CELA2A: variants seen among roughly 807,000 people sequenced by gnomAD.
CELA2A encodes the protein chymotrypsin-like elastase family member 2A.
CELA2A carries 31 observed loss-of-function variants against 35.3 expected under a neutral mutation model. That is an observed-to-expected ratio of 0.88 (90% CI 0.66 to 1.19). The LOEUF (loss-of-function observed/expected upper bound fraction) is 1.19, where lower values mean the gene tolerates loss of function less well. CELA2A is among the 50% of genes most tolerant of loss of function. The pLI is 0.00. For synonymous variants in CELA2A, 150 were observed against 149.8 expected, an observed-to-expected ratio of 1.00 and a Z score of -0.01; for missense variants, 330 against 352.9, an observed-to-expected ratio of 0.94 and a Z score of 0.52.
At chr1:15,471,350 C>A (rs1708591598) in intron 7 of CELA2A, among the ~76,000 whole-genome samples, 1 of 152,050 alleles carries the variant, frequency 6.6e-6, no homozygotes, top group Admixed American at 6.6e-5. Context: ...AGTTTGAGAC[C>A]AGCCTGGCCA....
intron 1 of CELA2A, 145 bp from the exon 2 acceptor site, chr1:15,456,941 T>C (rs1708368622): frequency 1.6e-5 from 21 of 1,319,578 alleles, no homozygotes; most frequent in East Asian, 4.8e-5. Context: ...TTTCAAAGAA[T>C]TGGAGCAAAG....
At chr1:15,461,063 G>C (rs1372711091) in intron 2 of CELA2A, among the ~76,000 whole-genome samples, 1 of 152,016 alleles carries the variant, frequency 6.6e-6, no homozygotes. Context: ...GAGCAAAAGT[G>C]GGGGAAAGAC....
chr1:15,471,199 T>C (rs1708589695), intron 7 of CELA2A, among the ~76,000 whole-genome samples: 1 of 152,196 alleles, frequency 6.6e-6, no homozygotes, highest in South Asian at 2.1e-4. Flanking sequence ...ATTTGTGCTG[T>C]AGCAGCTGGA....
intron 7 of CELA2A, 65 bp from the exon 8 acceptor site, chr1:15,471,925 C>G: frequency 6.2e-7 from 1 of 1,606,282 alleles, no homozygotes. Flanking sequence ...AGGACAGAGA[C>G]AGGAAACTGC....
At chr1:15,461,481 G>C (rs1450454276) in intron 2 of CELA2A, 80 bp from the exon 3 acceptor site, 3 of 1,506,790 alleles carry the variant, frequency 2.0e-6, no homozygotes, top group Non-Finnish European at 2.8e-6. Context: ...CCTTGTCCCA[G>C]CCCCGTTCTT....
At chr1:15,468,892 A>T (rs2103306193) in intron 7 of CELA2A, among the ~76,000 whole-genome samples, 1 of 152,264 alleles carries the variant, frequency 6.6e-6, no homozygotes, top group South Asian at 2.1e-4. Flanking sequence ...CCCCGTCACA[A>T]GAAAGGGATG....
intron 3 of CELA2A, among the ~76,000 whole-genome samples, chr1:15,462,396 C>A (rs575328951): frequency 9.7e-4 from 147 of 152,280 alleles, no homozygotes; most frequent in African/African-American, 3.4e-3. Flanking sequence ...TCCCCATCTG[C>A]AAATGAAAGG....
intron 7 of CELA2A, among the ~76,000 whole-genome samples, chr1:15,468,190 T>C (rs1399472445): frequency 2.6e-5 from 4 of 151,616 alleles, no homozygotes; most frequent in Non-Finnish European, 5.9e-5. Context: ...TCCAGTGCTA[T>C]AAACAGGTAT....
At position 15,462,762 on chromosome 1, in the gene CELA2A, G is replaced by T; in HGVS notation, c.257G>T (p.Gly86Val). ...TCCAGGACCTACCGCGTGGGGCTGGGCCGGCACAACCTCTACGTTGCGGAG... is the reference window on the plus strand; with the variant it reads ...TCCAGGACCTACCGCGTGGGGCTGGTCCGGCACAACCTCTACGTTGCGGAG... ...SSSRTYRVGLGRHNLYVAESG... is the reference protein window; with the variant it reads ...SSSRTYRVGLVRHNLYVAESG... Residue 86 changes from glycine to valine, a missense_variant, in exon 4 of 8, where the codon GGC (glycine) becomes GTC (valine). Coordinates refer to ENST00000359621, the MANE Select transcript of CELA2A (RefSeq NM_033440.3). 6.2e-7 allele frequency: 1 copy of T among 1,614,084 alleles called. No homozygotes were observed. Among genetic ancestry groups the T allele is most frequent in the Non-Finnish European group, 8.5e-7 (1 of 1,180,010 alleles).
At position 15,466,168 on chromosome 1, in the gene CELA2A, C is replaced by T. The variant is rs150291910; in HGVS notation, c.639+24C>T. ...ACGTGAGTACCAAAATCAGGGGCTC[C>T]GCTCCATGACAAAATGTGGCTGGGG... On this transcript the variant is annotated intron_variant, in intron 6 of 7. Transcript: ENST00000359621. 3.1e-4 allele frequency: 497 copies of T among 1,610,524 alleles called. 1 individual carries two copies. In the African/African-American group the frequency reaches 5.0e-3, roughly 16 times the overall value.
At chr1:15,463,543 C>A in intron 5 of CELA2A, 21 bp downstream of exon 5, 1 of 1,612,814 alleles carries the variant, frequency 6.2e-7, no homozygotes. Context: ...GCCAGGAGCC[C>A]CCAGGCCTGG....
intron 1 of CELA2A, 62 bp from the exon 2 acceptor site, chr1:15,457,024 A>G: frequency 6.6e-7 from 1 of 1,504,862 alleles, no homozygotes; most frequent in Non-Finnish European, 9.2e-7. Flanking sequence ...AATGCGCAGC[A>G]AGTGTAGTTT....
intron 6 of CELA2A, among the ~76,000 whole-genome samples, chr1:15,467,124 T>C (rs1168226715): frequency 2.0e-5 from 3 of 152,194 alleles, no homozygotes; most frequent in East Asian, 1.9e-4. Flanking sequence ...GGCCTGGGGA[T>C]GCTACGAATA....
chr1:15,458,011 A>G (rs1708384255), intron 2 of CELA2A, among the ~76,000 whole-genome samples: 1 of 152,238 alleles, frequency 6.6e-6, no homozygotes, highest in African/African-American at 2.4e-5. Context: ...AAATGTGTAA[A>G]GTTTACATTG....
chr1:15,462,608 G>A, intron 3 of CELA2A, 125 bp from the exon 4 acceptor site: 1 of 1,160,724 alleles, frequency 8.6e-7, no homozygotes, highest in Non-Finnish European at 1.2e-6. Flanking sequence ...TTGTCCCAGG[G>A]GAGGAAAGAT....
Position 15,466,162 on chromosome 1 carries a change from GGGCTCCGCTCCATGACAAAATGT to G in CELA2A, c.639+23_639+45del, listed in dbSNP as rs773297826. ...GCTGCAACGTGAGTACCAAAATCAG[GGGCTCCGCTCCATGACAAAATGT>G]GGCTGGGGATAAGGCTATAGAGGTC... On this transcript the variant is annotated intron_variant, in intron 6 of 7. Coordinates refer to ENST00000359621, the MANE Select transcript of CELA2A (RefSeq NM_033440.3). 1.2e-6 allele frequency: 2 copies of G among 1,612,792 alleles called. No homozygotes were observed. Among genetic ancestry groups the G allele is most frequent in the South Asian group, 1.1e-5 (1 of 91,048 alleles).
chr1:15,465,979 TTC>T lies in CELA2A; in HGVS notation c.494-14_494-13del. On this transcript the variant is annotated intron_variant, in intron 5 of 7. Transcript: ENST00000359621. Reference sequence around the variant, plus strand: ...CAGGAGTCCCTGCATCCCTAATGGCTTCTCTCTGATCTCATTCAGCCAACGGG... The same window carrying T: ...CAGGAGTCCCTGCATCCCTAATGGCTTCTCTGATCTCATTCAGCCAACGGG... 6.2e-7 allele frequency: 1 copy of T among 1,613,850 alleles called. No individual in the cohort carries two copies. Among genetic ancestry groups the T allele is most frequent in the Non-Finnish European group, 8.5e-7 (1 of 1,179,876 alleles).
intron 7 of CELA2A, 146 bp downstream of exon 7, chr1:15,467,684 A>T: frequency 9.9e-7 from 1 of 1,010,512 alleles, no homozygotes; most frequent in East Asian, 2.6e-5. Context: ...AGACCTGAGT[A>T]ACTGCTGGGC....
chr1:15,456,806 A>G lies in CELA2A; in HGVS notation c.40+13A>G. The stretch of plus-strand genomic sequence containing the variant: ...TTGGTGGCTGGAGGTAAGTCCTGTT[A>G]CCCAGAGGCACTGGTTTCCCATGCC... On this transcript the variant is annotated intron_variant, in intron 1 of 7. Coordinates refer to ENST00000359621, the MANE Select transcript of CELA2A (RefSeq NM_033440.3). 6.2e-7 allele frequency: 1 copy of G among 1,614,134 alleles called. No individual in the cohort carries two copies. The highest frequency in any genetic ancestry group is 8.5e-7 in the Non-Finnish European group (1 of 1,180,002).
Sources: allele counts gnomAD v4.1 joint callset (sites outside exome capture counted in the v4.1 genomes callset), GRCh38; gene constraint gnomAD v4.1.1; transcripts MANE v1.5; gene names NCBI Gene and HGNC (gene_info 2026-07-23, HGNC 2026-07-21).